PDHB: variants seen among roughly 807,000 people sequenced by gnomAD.
The protein encoded by PDHB is pyruvate dehydrogenase E1 subunit beta.
A neutral mutation model predicts 42.8 loss-of-function variants in PDHB; 17 were observed. The ratio of observed to expected loss-of-function variants is 0.40; its 90% CI spans 0.27 to 0.60. PDHB has a LOEUF of 0.60. PDHB is among the 20% of genes least tolerant of loss of function. PDHB has a pLI of 0.46. For missense variants in PDHB, 322 were observed against 451.3 expected (o/e 0.71, Z 2.60); for synonymous variants, 154 against 148.7 (o/e 1.04, Z -0.26).
intron 8 of PDHB, among the ~76,000 whole-genome samples, chr3:58,429,150 A>G (rs559642149): frequency 4.9e-4 from 74 of 152,230 alleles, no homozygotes; most frequent in Admixed American, 8.5e-4. Context: ...AAAATGAGTT[A>G]ACAGTTAACA....
rs1299423304 is a variant in PDHB at position 58,429,072 on chromosome 3, C to G, written c.793-458G>C. Among the ~76,000 whole-genome samples, 4 of 152,152 alleles carry G rather than the reference C, an allele frequency of 2.6e-5. No homozygotes were observed. In the East Asian group the frequency reaches 7.7e-4, roughly 29 times the overall value. ...GTTTCAACATGTTGGCCAGACTGGT[C>G]TTGAACTCCTGACCTCAGGTGATCC... On this transcript the variant is annotated intron_variant, in intron 8 of 9. Coordinates refer to ENST00000302746, the MANE Select transcript of PDHB (RefSeq NM_000925.4).
In PDHB at chr3:58,431,287, G is replaced by A. The variant is rs7644348; in HGVS notation, c.303+306C>T. 0.28 allele frequency: 129,445 copies of A among 458,582 alleles called. 23,626 individuals are homozygous for A. Among genetic ancestry groups the A allele is most frequent in the East Asian group, 0.8 (18,473 of 23,154 alleles). 28.4% of individuals were successfully genotyped at this position (458,582 alleles called of 1,614,324 possible). A position where few individuals can be genotyped will look rare whatever the true frequency, so the allele number is the denominator to read the frequency against. Reference sequence around the variant, plus strand: ...TTTGGGGATGGGCACAGTGGCTCACGCCTGTAATCCCAGCACTTTGGGAGG... The same window carrying A: ...TTTGGGGATGGGCACAGTGGCTCACACCTGTAATCCCAGCACTTTGGGAGG... On this transcript the variant is annotated intron_variant, in intron 5 of 9. Coordinates refer to ENST00000302746, the MANE Select transcript of PDHB (RefSeq NM_000925.4). The surrounding 1 kb of genome is among the most constrained non-coding windows in gnomAD (Gnocchi z 4.4).
Position 58,428,046 on chromosome 3 carries a change from T to C in PDHB, c.1068A>G (p.Thr356=). The change falls in exon 10 of 10, where the codon ACA becomes ACG. Residue 356 remains threonine (T), a synonymous_variant. Transcript: ENST00000302746. ...ATTCAAGTCCAAACTAAATATTTAA[T>C]GTTTTCTTTATTGCAAATATGATGT... The part of the protein sequence containing the change: ...VKDIIFAIKK[T]LNI 6.2e-7 allele frequency: 1 copy of C among 1,606,492 alleles called. No individual in the cohort carries two copies. Among genetic ancestry groups the C allele is most frequent in the Non-Finnish European group, 8.5e-7 (1 of 1,173,006 alleles).
In PDHB at chr3:58,431,461, T is replaced by G; in HGVS notation, c.303+132A>C. The G allele has an allele frequency of 1.3e-6, 1 of 773,702 alleles. No homozygotes were observed. The highest frequency in any genetic ancestry group is 2.3e-6 in the Non-Finnish European group (1 of 440,958). The allele number at this position is 773,702 out of a possible 1,614,324, so 47.9% of individuals were successfully genotyped here. On this transcript the variant is annotated intron_variant, in intron 5 of 9. Coordinates refer to ENST00000302746, the MANE Select transcript of PDHB (RefSeq NM_000925.4). This position sits in a 1 kb window ranked among gnomAD's most constrained non-coding sequence, Gnocchi z 4.4. ...CACTATGGAGGCTGAGGCAGGAGAA[T>G]TGCTTGAACCTGGAAGCTGAGATGG...
At chr3:58,432,324 T>C (rs138014477) in intron 2 of PDHB, 14 of 361,302 alleles carry the variant, frequency 3.9e-5, no homozygotes, top group African/African-American at 2.7e-4. Flanking sequence ...TCCACTTCTA[T>C]GTATATGCCC....
chr3:58,428,587 T>C lies in PDHB; in HGVS notation c.820A>G (p.Met274Val), dbSNP rs2062893579. The C allele has an allele frequency of 6.2e-7, 1 of 1,613,722 alleles. No individual in the cohort carries two copies. The change falls in exon 9 of 10, where the codon ATG becomes GTG. Residue 274 changes from methionine to valine, a missense_variant. By Grantham distance (21) the Met-to-Val change is conservative (BLOSUM62 1). This residue lies in a region of PDHB where 208 missense variants were observed against 285.0 expected (regional missense o/e 0.73). Coordinates refer to ENST00000302746, the MANE Select transcript of PDHB (RefSeq NM_000925.4). ...CTGGCTTCTATGGTTTCCATGTCCA[T>C]TGGTCTAATGGTACGCATATTTATC... The part of the protein sequence containing the change: ...EVINMRTIRP[M>V]DMETIEASVM...
In PDHB at chr3:58,431,034, ATGTTTT is replaced by A. The variant is rs2062915500; in HGVS notation, c.304-98_304-93del. ...CTCCAAGTCTTCCAACATTCAAATA[ATGTTTT>A]TATTTTTTATTTTTATTTTTTATGG... is the stretch of plus-strand genomic sequence containing the variant. On this transcript the variant is annotated intron_variant, in intron 5 of 9. Coordinates refer to ENST00000302746, the MANE Select transcript of PDHB (RefSeq NM_000925.4). The surrounding 1 kb of genome is among the most constrained non-coding windows in gnomAD (Gnocchi z 4.4). 1.6e-6 allele frequency: 2 copies of A among 1,240,364 alleles called. No homozygotes were observed. Among genetic ancestry groups the A allele is most frequent in the Non-Finnish European group, 2.3e-6 (2 of 855,012 alleles). The allele number at this position is 1,240,364 out of a possible 1,614,324, so 76.8% of individuals were successfully genotyped here. A position where few individuals can be genotyped will look rare whatever the true frequency, so the allele number is the denominator to read the frequency against.
Position 58,433,778 on chromosome 3 carries a change from G to C in PDHB, c.32C>G (p.Pro11Arg), listed in dbSNP as rs1423162851. 6.2e-7 allele frequency: 1 copy of C among 1,612,260 alleles called. No homozygotes were observed. The highest frequency in any genetic ancestry group is 8.5e-7 in the Non-Finnish European group (1 of 1,179,614). MAAVSGLVRR[P>R]LREVSGLLKR... ...CGCGCTGCTGCCTACCTCCCGAAGG[G>C]GTCTCCGCACCAAGCCAGACACCGC... Residue 11 changes from proline to arginine, a missense_variant, in exon 1 of 10, where the codon CCC (proline) becomes CGC (arginine). Physicochemically the swap from Pro to Arg is moderately radical, Grantham distance 103 (BLOSUM62 -2). Around this residue, in one of 3 missense-constraint regions of PDHB, gnomAD observed 58 missense variants for 42.1 expected, o/e 1.38. Transcript: ENST00000302746.
In PDHB at chr3:58,430,085, G is replaced by A. The variant is rs764583964; in HGVS notation, c.700+43C>T. ...TAGATTAAATTTTACCAAAATTGAG[G>A]GGCTGGATTAAAAATACTGTTTATA... On this transcript the variant is annotated intron_variant, in intron 7 of 9. Transcript: ENST00000302746. 6 of 1,187,314 alleles carry A rather than the reference G, an allele frequency of 5.1e-6. No individual in the cohort carries two copies. The African/African-American group carries it at 7.5e-5, about 15-fold the overall frequency. The allele number at this position is 1,187,314 out of a possible 1,614,324, so 73.5% of individuals were successfully genotyped here. A position where few individuals can be genotyped will look rare whatever the true frequency, so the allele number is the denominator to read the frequency against.
chr3:58,431,684 A>G lies in PDHB; in HGVS notation c.267+47T>C. ...ATCCATAAAAATGAGGATAATGGACACTAACAGACATGCCCTCCAGGGTCT... is the reference window on the plus strand; with the variant it reads ...ATCCATAAAAATGAGGATAATGGACGCTAACAGACATGCCCTCCAGGGTCT... On this transcript the variant is annotated intron_variant, in intron 4 of 9. Coordinates refer to ENST00000302746, the MANE Select transcript of PDHB (RefSeq NM_000925.4). The surrounding 1 kb of genome is among the most constrained non-coding windows in gnomAD (Gnocchi z 4.4). 6.3e-7 allele frequency: 1 copy of G among 1,594,894 alleles called. No homozygotes were observed.
chr3:58,431,526 G>T lies in PDHB; in HGVS notation c.303+67C>A. 1 of 1,294,498 alleles carries T rather than the reference G, an allele frequency of 7.7e-7. No homozygotes were observed. The highest frequency in any genetic ancestry group is 1.1e-6 in the Non-Finnish European group (1 of 892,204). 80.2% of individuals were successfully genotyped at this position (1,294,498 alleles called of 1,614,324 possible). A position where few individuals can be genotyped will look rare whatever the true frequency, so the allele number is the denominator to read the frequency against. On this transcript the variant is annotated intron_variant, in intron 5 of 9. Transcript: ENST00000302746. The surrounding 1 kb of genome is among the most constrained non-coding windows in gnomAD (Gnocchi z 4.4). ...AGGCTGGACAACAGAGTGAGACTCT[G>T]TCTCAAAAGAAAAAAAAAGAAAACA...
chr3:58,433,601 C>T (rs1445889419), intron 2 of PDHB, 30 bp downstream of exon 2: 1 of 1,598,754 alleles, frequency 6.3e-7, no homozygotes. Flanking sequence ...CCCTCCCCGC[C>T]CTCGTCCGAC....
At chr3:58,429,605 A>C in intron 8 of PDHB, 103 bp downstream of exon 8, 1 of 810,032 alleles carries the variant, frequency 1.2e-6, no homozygotes, top group Non-Finnish European at 2.2e-6. Flanking sequence ...ATGAGTGACA[A>C]AGCAAGGTTT....
At position 58,431,140 on chromosome 3, in the gene PDHB, C is replaced by T; in HGVS notation, c.304-198G>A. ...CTCACTGCAGCCTCTAACTCCTAGG[C>T]TCAAGTAATCCTTCCTCAGCATCCC... On this transcript the variant is annotated intron_variant, in intron 5 of 9. Transcript: ENST00000302746. The surrounding 1 kb of genome is among the most constrained non-coding windows in gnomAD (Gnocchi z 4.4). 1.6e-6 allele frequency: 1 copy of T among 612,752 alleles called. No homozygotes were observed. The highest frequency in any genetic ancestry group is 2.0e-5 in the South Asian group (1 of 50,202). The allele number at this position is 612,752 out of a possible 1,614,324, so 38.0% of individuals were successfully genotyped here.
chr3:58,433,347 TAG>T, intron 2 of PDHB: 1 of 586,262 alleles, frequency 1.7e-6, no homozygotes, highest in Non-Finnish European at 3.0e-6. Context: ...CATTTTAAGT[TAG>T]GTCTATTTTG....
chr3:58,430,331 T>C, intron 6 of PDHB, 93 bp from the exon 7 acceptor site: 1 of 911,612 alleles, frequency 1.1e-6, no homozygotes, highest in South Asian at 1.4e-5. Flanking sequence ...TTGTGAGAAG[T>C]TTCATTGTGC....
rs2107935115 is a variant in PDHB at position 58,427,728 on chromosome 3, C to T, written c.*306G>A. 1 of 484,710 alleles carries T rather than the reference C, an allele frequency of 2.1e-6. No homozygotes were observed. The highest frequency in any genetic ancestry group is 2.3e-5 in the Admixed American group (1 of 43,076). 30.0% of individuals were successfully genotyped at this position (484,710 alleles called of 1,614,324 possible). On this transcript the variant is annotated 3_prime_UTR_variant, in exon 10 of 10. Transcript: ENST00000302746. ...ACATATAAGTTATCTTGTTTGGATA[C>T]ATCTTTCATGAGGACTCTGCCACAT... is the stretch of plus-strand genomic sequence containing the variant.
chr3:58,428,504 T>C lies in PDHB; in HGVS notation c.903A>G (p.Val301=). 1 of 1,614,206 alleles carries C rather than the reference T, an allele frequency of 6.2e-7. No homozygotes were observed. Among genetic ancestry groups the C allele is most frequent in the Middle Eastern group, 1.6e-4 (1 of 6,062 alleles). ...TGATCCTGGCACAGATTTCAGCTCC[T>C]ACTCCAAACTGTGGCCAGCCTCCTT... ...TVEGGWPQFG[V]GAEICARIME... The change falls in exon 9 of 10, where the codon GTA becomes GTG. Residue 301 remains valine, a synonymous_variant. Coordinates refer to ENST00000302746, the MANE Select transcript of PDHB (RefSeq NM_000925.4).
chr3:58,432,549 T>G (rs2062928941), intron 2 of PDHB: 1 of 162,224 alleles, frequency 6.2e-6, no homozygotes, highest in African/African-American at 2.4e-5. Context: ...ATACAAAAAT[T>G]GGCCGGGTGT....
Sources: allele counts gnomAD v4.1 joint callset (sites outside exome capture counted in the v4.1 genomes callset), GRCh38; gene constraint gnomAD v4.1.1; regional missense constraint gnomAD v4.1.1; non-coding constraint Gnocchi (gnomAD v3.1); transcripts MANE v1.5; gene names NCBI Gene and HGNC (gene_info 2026-07-23, HGNC 2026-07-21).